Variants in ZNF140 observed in about 807,000 individuals in gnomAD.
The protein encoded by ZNF140 is zinc finger protein 140.
A neutral mutation model predicts 12.9 loss-of-function variants in ZNF140; 13 were observed. That is an observed-to-expected ratio of 1.01 (90% confidence interval 0.66 to 1.60). The LOEUF is 1.60. Ranked by LOEUF, ZNF140 falls within the 40% of genes most tolerant of loss-of-function variation. ZNF140 has a pLI of 0.00. For synonymous variants in ZNF140, 214 were observed against 186.7 expected (o/e 1.15, Z -1.19); for missense variants, 531 against 548.8 (o/e 0.97, Z 0.32).
At chr12:133,082,818 A>G (rs1312065972) in intron 2 of ZNF140, 3 of 259,408 alleles carry the variant, frequency 1.2e-5, no homozygotes, top group African/African-American at 2.2e-5. Flanking sequence ...AATTTTTACA[A>G]CCAATGCCAA....
chr12:133,106,008 C>T lies in ZNF140; in HGVS notation c.731C>T (p.Pro244Leu). 2 of 1,614,104 alleles carry T rather than the reference C, an allele frequency of 1.2e-6. No individual in the cohort carries two copies. The highest frequency in any genetic ancestry group is 1.7e-6 in the Non-Finnish European group (2 of 1,180,034). The change falls in exon 5 of 5, where the codon CCT (proline) becomes CTT (leucine). Residue 244 changes from proline (P) to leucine (L), a missense_variant. Transcript: ENST00000355557. Reference sequence around the variant, plus strand: ...CAGAGAACGCACACTGGGGAGAAACCTTATGAATGTACTGAGTGTGGAAAG... The same window carrying T: ...CAGAGAACGCACACTGGGGAGAAACTTTATGAATGTACTGAGTGTGGAAAG... ...EHQRTHTGEK[P>L]YECTECGKAF...
At chr12:133,097,491 A>G (rs1028706379) in intron 4 of ZNF140, among the ~76,000 whole-genome samples, 1 of 151,850 alleles carries the variant, frequency 6.6e-6, no homozygotes, top group Admixed American at 6.6e-5. Context: ...AAAGTACAAA[A>G]TATTAGCCAG....
At chr12:133,093,526 CTGATT>C (rs928177448) in intron 4 of ZNF140, 5 of 695,604 alleles carry the variant, frequency 7.2e-6, no homozygotes, top group African/African-American at 5.3e-5. Flanking sequence ...AAACTGGAAG[CTGATT>C]TATTTTCTGG....
At chr12:133,087,302 T>A (rs1954706541) in intron 4 of ZNF140, among the ~76,000 whole-genome samples, 1 of 147,264 alleles carries the variant, frequency 6.8e-6, no homozygotes, top group Non-Finnish European at 1.5e-5. Context: ...TTTCCTTAGT[T>A]AAAAAAAAAA....
At chr12:133,105,225 A>G (rs1955546830) in intron 4 of ZNF140, among the ~76,000 whole-genome samples, 1 of 150,866 alleles carries the variant, frequency 6.6e-6, no homozygotes, top group African/African-American at 2.5e-5. Context: ...ATGGTGGTGA[A>G]GAAGACTAGC....
At chr12:133,095,364 G>A (rs1955033028) in intron 4 of ZNF140, among the ~76,000 whole-genome samples, 2 of 150,856 alleles carry the variant, frequency 1.3e-5, no homozygotes, top group Non-Finnish European at 2.9e-5. Flanking sequence ...CAAGCTTACC[G>A]CAAGGCTGAC....
intron 2 of ZNF140, 113 bp from the exon 3 acceptor site, chr12:133,082,990 T>A (rs915337417): frequency 7.1e-5 from 107 of 1,504,462 alleles, no homozygotes; most frequent in Non-Finnish European, 9.4e-5. Context: ...AAACTCTCAC[T>A]GTTACTACTT....
In ZNF140 at chr12:133,095,347, G is replaced by C. The variant is rs888422284; in HGVS notation, c.233-10163G>C. 4.0e-5 allele frequency among the ~76,000 whole-genome samples: 6 copies of C among 150,932 alleles called. 1 individual carries two copies. The highest frequency in any genetic ancestry group is 1.2e-4 in the African/African-American group (5 of 40,698). On this transcript the variant is annotated intron_variant, in intron 4 of 4. Coordinates refer to ENST00000355557, the MANE Select transcript of ZNF140 (RefSeq NM_003440.4). The stretch of plus-strand genomic sequence containing the variant: ...CCCCATTGTTACCCTGGATTCCTCC[G>C]AGCGCACAAGCTTACCGCAAGGCTG...
intron 4 of ZNF140, among the ~76,000 whole-genome samples, chr12:133,100,623 G>A (rs1423040508): frequency 2.6e-5 from 4 of 152,192 alleles, no homozygotes; most frequent in Admixed American, 2.0e-4. Flanking sequence ...CTCAGCATAT[G>A]AGAGAGTTTT....
At position 133,080,942 on chromosome 12, in the gene ZNF140, T is replaced by C. The variant is rs1487250093; in HGVS notation, c.-179T>C. 3 of 155,588 alleles carry C rather than the reference T, an allele frequency of 1.9e-5. No homozygotes were observed. Among genetic ancestry groups the C allele is most frequent in the African/African-American group, 7.2e-5 (3 of 41,508 alleles). 9.6% of individuals were successfully genotyped at this position (155,588 alleles called of 1,614,324 possible). On this transcript the variant is annotated 5_prime_UTR_variant, in exon 1 of 5. Coordinates refer to ENST00000355557, the MANE Select transcript of ZNF140 (RefSeq NM_003440.4). Reference sequence around the variant, plus strand: ...CCGAGCGTCTGGCCTGTGTTGGCTGTAGGCAACGAAAGGAGCCCTCCCGGT... The same window carrying C: ...CCGAGCGTCTGGCCTGTGTTGGCTGCAGGCAACGAAAGGAGCCCTCCCGGT...
At chr12:133,104,147 G>C (rs370610548) in intron 4 of ZNF140, among the ~76,000 whole-genome samples, 2,314 of 152,264 alleles carry the variant, frequency 0.015, 50 homozygotes, top group African/African-American at 0.052. Context: ...TGCGTTTTTA[G>C]ATGTTATTGG....
At chr12:133,081,373 A>ATATT (rs1481354616) in intron 2 of ZNF140, 44 bp downstream of exon 2, 1 of 223,824 alleles carries the variant, frequency 4.5e-6, no homozygotes, top group African/African-American at 2.9e-5. Flanking sequence ...ATATATATAA[A>ATATT]TTTTTATTTT....
Position 133,093,437 on chromosome 12 carries a change from C to CA in ZNF140, c.232+9877dup, listed in dbSNP as rs1243850790. On this transcript the variant is annotated intron_variant, in intron 4 of 4. Transcript: ENST00000355557. ...CAGGCTTTTTTTCAGCTAACTGTGT[C>CA]AGCTTCTTTAGCTGGGCCCATGTCG... 4.3e-6 allele frequency: 3 copies of CA among 699,594 alleles called. No individual in the cohort carries two copies. In the African/African-American group the frequency reaches 5.3e-5, roughly 12 times the overall value. 43.3% of individuals were successfully genotyped at this position (699,594 alleles called of 1,614,324 possible).
rs1376745096 is a variant in ZNF140, at chr12:133,081,030, C to G, written c.-91C>G. The G allele has an allele frequency of 1.5e-5, 3 of 195,272 alleles. No individual in the cohort carries two copies. In the Admixed American group the frequency reaches 1.8e-4, roughly 12 times the overall value. 12.1% of individuals were successfully genotyped at this position (195,272 alleles called of 1,614,324 possible). Reference sequence around the variant, plus strand: ...GCCCTGGAACGCTACGCCCACCTGGCGGAAAGCACCACGGAAACGCATCCT... The same window carrying G: ...GCCCTGGAACGCTACGCCCACCTGGGGGAAAGCACCACGGAAACGCATCCT... On this transcript the variant is annotated 5_prime_UTR_variant, in exon 1 of 5. Transcript: ENST00000355557.
chr12:133,094,375 T>TA (rs1334341915), intron 4 of ZNF140, among the ~76,000 whole-genome samples: 1 of 150,934 alleles, frequency 6.6e-6, no homozygotes, highest in Non-Finnish European at 1.5e-5. Context: ...ACAGGAATGG[T>TA]AAAAAAGCAA....
intron 4 of ZNF140, among the ~76,000 whole-genome samples, chr12:133,098,225 C>T (rs1426524560): frequency 1.3e-5 from 2 of 151,998 alleles, no homozygotes; most frequent in Non-Finnish European, 2.9e-5. Context: ...CATGGTTGTC[C>T]TAAAGTTTGC....
At chr12:133,088,125 C>T (rs1954736952) in intron 4 of ZNF140, among the ~76,000 whole-genome samples, 1 of 146,998 alleles carries the variant, frequency 6.8e-6, no homozygotes, top group Admixed American at 6.9e-5. Flanking sequence ...AAGACTCTGT[C>T]TAAAAAAAAA....
intron 4 of ZNF140, among the ~76,000 whole-genome samples, chr12:133,105,039 T>C (rs1955536910): frequency 1.3e-5 from 2 of 152,192 alleles, no homozygotes; most frequent in African/African-American, 4.8e-5. Flanking sequence ...TGGAGGATCA[T>C]AGGCAAGTTT....
intron 4 of ZNF140, among the ~76,000 whole-genome samples, chr12:133,091,533 TC>T: frequency 6.6e-6 from 1 of 150,840 alleles, no homozygotes; most frequent in South Asian, 2.1e-4. Flanking sequence ...GATCTCTCTT[TC>T]TTTTCCCTAC....
Sources: allele counts gnomAD v4.1 joint callset (sites outside exome capture counted in the v4.1 genomes callset), GRCh38; gene constraint gnomAD v4.1.1; transcripts MANE v1.5; gene names NCBI Gene and HGNC (gene_info 2026-07-23, HGNC 2026-07-21).